The following NIPAL2 variants were observed in gnomAD, a reference collection of about 807,000 sequenced individuals.
NIPAL2 encodes NIPA like domain containing 2, also known as NIPA-like protein 2.
A neutral mutation model predicts 48.9 loss-of-function variants in NIPAL2; 43 were observed. The observed-to-expected ratio is 0.88, with a 90% CI of 0.69 to 1.13. The LOEUF is 1.13. Ranked by LOEUF, NIPAL2 falls within the 50% of genes most tolerant of loss-of-function variation. NIPAL2 has a pLI of 0.00. For synonymous variants in NIPAL2, 167 were observed against 174.6 expected, an observed-to-expected ratio of 0.96 and a Z score of 0.34; for missense variants, 446 against 461.4, an observed-to-expected ratio of 0.97 and a Z score of 0.31.
intron 3 of NIPAL2, among the ~76,000 whole-genome samples, chr8:98,238,402 G>A (rs1289452489): frequency 6.6e-6 from 1 of 152,060 alleles, no homozygotes; most frequent in East Asian, 1.9e-4. Flanking sequence ...TCCTTTCTCA[G>A]TTTCCTCAGT....
chr8:98,242,487 G>GTTTTTTTTTTTTT, intron 3 of NIPAL2, among the ~76,000 whole-genome samples: 1 of 35,284 alleles, frequency 2.8e-5, no homozygotes, highest in African/African-American at 7.2e-5. Flanking sequence ...GCACCTGACA[G>GTTTTTTTTTTTTT]ATTTTTTTTT....
intron 4 of NIPAL2, chr8:98,231,909 T>G (rs1257538522): frequency 6.6e-6 from 1 of 152,222 alleles, no homozygotes; most frequent in Non-Finnish European, 1.5e-5. Context: ...ATAATTTAAT[T>G]TTTAGCATGT....
intron 5 of NIPAL2, among the ~76,000 whole-genome samples, chr8:98,214,481 C>T (rs1054249442): frequency 3.3e-5 from 5 of 152,034 alleles, no homozygotes; most frequent in Admixed American, 1.3e-4. Context: ...TTATTTTTGA[C>T]GAGATGGTAT....
chr8:98,212,331 G>A lies in NIPAL2; in HGVS notation c.655+74C>T, dbSNP rs1231788170. The A allele has an allele frequency of 5.1e-6, 4 of 781,534 alleles. No homozygotes were observed. The African/African-American group carries it at 6.9e-5, about 13-fold the overall frequency. 48.4% of individuals were successfully genotyped at this position (781,534 alleles called of 1,614,324 possible). On this transcript the variant is annotated intron_variant, in intron 6 of 10. Transcript: ENST00000430223. Reference sequence around the variant, plus strand: ...CATGAGAAAGGAGTAGAATGCTTAAGTATTTTCCTTCAAACCTCATTTATG... The same window carrying A: ...CATGAGAAAGGAGTAGAATGCTTAAATATTTTCCTTCAAACCTCATTTATG...
At chr8:98,280,668 G>A (rs897360338) in intron 1 of NIPAL2, among the ~76,000 whole-genome samples, 2 of 148,854 alleles carry the variant, frequency 1.3e-5, no homozygotes, top group Non-Finnish European at 3.0e-5. Flanking sequence ...AACTCTTAGA[G>A]ATACATCTTT....
chr8:98,290,561 A>G (rs1463857558), intron 1 of NIPAL2, among the ~76,000 whole-genome samples: 3 of 152,226 alleles, frequency 2.0e-5, no homozygotes, highest in Non-Finnish European at 4.4e-5. Flanking sequence ...TTTTGGTCCA[A>G]CTTTAATTTT....
chr8:98,242,997 G>C (rs1382896948), intron 3 of NIPAL2, among the ~76,000 whole-genome samples: 1 of 152,178 alleles, frequency 6.6e-6, no homozygotes, highest in African/African-American at 2.4e-5. Flanking sequence ...AAAACCCAAA[G>C]GGTGGTTCTG....
At chr8:98,232,747 T>TA (rs139016242) in intron 4 of NIPAL2, among the ~76,000 whole-genome samples, 41,545 of 152,020 alleles carry the variant, frequency 0.27, 5,853 homozygotes, top group African/African-American at 0.33. Context: ...AGACTCACCC[T>TA]AACTTTATAC....
intron 3 of NIPAL2, among the ~76,000 whole-genome samples, chr8:98,237,656 T>C (rs561521153): frequency 2.6e-5 from 4 of 152,312 alleles, no homozygotes; most frequent in African/African-American, 9.6e-5. Flanking sequence ...TTGTCTTTAT[T>C]TGATAATCTG....
intron 1 of NIPAL2, among the ~76,000 whole-genome samples, chr8:98,287,392 T>C (rs929649023): frequency 6.6e-6 from 1 of 152,128 alleles, no homozygotes. Context: ...CATTAGGAAG[T>C]GTTCTGAAAT....
intron 8 of NIPAL2, among the ~76,000 whole-genome samples, chr8:98,202,591 G>C (rs187757446): frequency 6.6e-6 from 1 of 152,136 alleles, no homozygotes; most frequent in Non-Finnish European, 1.5e-5. Context: ...GCTATGTGAC[G>C]TGTCTGTTCT....
intron 8 of NIPAL2, among the ~76,000 whole-genome samples, chr8:98,198,953 T>C (rs981032673): frequency 5.9e-5 from 9 of 151,682 alleles, no homozygotes. Flanking sequence ...TTTTTCTTTT[T>C]CTTTTCTTTT....
intron 1 of NIPAL2, among the ~76,000 whole-genome samples, chr8:98,273,613 CA>C (rs1206126764): frequency 7.2e-5 from 11 of 152,090 alleles, no homozygotes; most frequent in Non-Finnish European, 1.5e-4. Context: ...CAAGATACTA[CA>C]AATGTAGCTA....
intron 1 of NIPAL2, among the ~76,000 whole-genome samples, chr8:98,282,184 A>G (rs935760225): frequency 4.6e-5 from 7 of 152,164 alleles, no homozygotes; most frequent in African/African-American, 1.7e-4. Flanking sequence ...GGGCAGGGCA[A>G]GTACAGGGGC....
At chr8:98,282,838 A>C (rs1055139444) in intron 1 of NIPAL2, among the ~76,000 whole-genome samples, 2 of 152,192 alleles carry the variant, frequency 1.3e-5, no homozygotes, top group Non-Finnish European at 2.9e-5. Flanking sequence ...TACTAACACA[A>C]ACCGAGTTAA....
chr8:98,201,500 T>C (rs1810798281), intron 8 of NIPAL2, among the ~76,000 whole-genome samples: 1 of 152,162 alleles, frequency 6.6e-6, no homozygotes, highest in African/African-American at 2.4e-5. Context: ...TCCTCCTGCC[T>C]TAGCCTCCTG....
Position 98,222,613 on chromosome 8 carries a change from T to C in NIPAL2, c.437-13A>G, listed in dbSNP as rs140941347. ...GCCAGTGTCGTACCTTTAAATAAAA[T>C]TGAAAAGAAAAACCAAATTGAAACC... On this transcript the variant is annotated splice_polypyrimidine_tract_variant and intron_variant, in intron 4 of 10. Transcript: ENST00000430223. 493 of 1,611,284 alleles carry C rather than the reference T, an allele frequency of 3.1e-4. 1 individual carries two copies. In the East Asian group the frequency reaches 0.01, roughly 34 times the overall value.
intron 7 of NIPAL2, among the ~76,000 whole-genome samples, chr8:98,203,732 G>T (rs1315801032): frequency 1.3e-5 from 2 of 152,142 alleles, no homozygotes; most frequent in Non-Finnish European, 2.9e-5. Context: ...CCCTGCTAGG[G>T]ACTAGATTGT....
At chr8:98,208,719 G>T (rs1811162013) in intron 6 of NIPAL2, among the ~76,000 whole-genome samples, 1 of 152,162 alleles carries the variant, frequency 6.6e-6, no homozygotes, top group African/African-American at 2.4e-5. Flanking sequence ...AAAGTGCTGG[G>T]ATTACAGGTG....
Sources: allele counts gnomAD v4.1 joint callset (sites outside exome capture counted in the v4.1 genomes callset), GRCh38; gene constraint gnomAD v4.1.1; transcripts MANE v1.5; gene names NCBI Gene and HGNC (gene_info 2026-07-23, HGNC 2026-07-21).